SLC22A3: variants seen among roughly 807,000 people sequenced by gnomAD.
SLC22A3 encodes the protein EMT organic cation transporter 3.
A neutral mutation model predicts 59.1 loss-of-function variants in SLC22A3; 51 were observed. The ratio of observed to expected loss-of-function variants is 0.86; its 90% confidence interval spans 0.69 to 1.09. The LOEUF is 1.09. Ranked by LOEUF, SLC22A3 falls within the 50% of genes least tolerant of loss-of-function variation. The pLI, the probability that SLC22A3 is intolerant of heterozygous loss-of-function variation, is 0.00. For synonymous variants in SLC22A3, 325 were observed against 292.0 expected (o/e 1.11, Z -1.15); for missense variants, 711 against 726.3 (o/e 0.98, Z 0.24).
At chr6:160,427,584 T>C (rs1788009974) in intron 5 of SLC22A3, among the ~76,000 whole-genome samples, 1 of 152,208 alleles carries the variant, frequency 6.6e-6, no homozygotes, top group Non-Finnish European at 1.5e-5. Context: ...CATATGTTAT[T>C]GATGATGATG....
chr6:160,353,682 G>T (rs1400063084), intron 1 of SLC22A3, among the ~76,000 whole-genome samples: 2 of 152,150 alleles, frequency 1.3e-5, no homozygotes, highest in African/African-American at 2.4e-5. Flanking sequence ...AGTGGTTGGT[G>T]TGCATTCTCG....
intron 1 of SLC22A3, among the ~76,000 whole-genome samples, chr6:160,384,232 T>C (rs1445814733): frequency 6.6e-6 from 1 of 152,190 alleles, no homozygotes; most frequent in Non-Finnish European, 1.5e-5. Context: ...TATCATTTTA[T>C]ATCAGGGACT....
At chr6:160,396,557 C>T (rs1456473598) in intron 1 of SLC22A3, among the ~76,000 whole-genome samples, 2 of 151,948 alleles carry the variant, frequency 1.3e-5, no homozygotes, top group Non-Finnish European at 2.9e-5. Flanking sequence ...CTTCTTGGCC[C>T]ATAAATTTAT....
intron 5 of SLC22A3, among the ~76,000 whole-genome samples, chr6:160,414,961 G>T (rs1336856846): frequency 3.3e-5 from 5 of 152,090 alleles, no homozygotes; most frequent in African/African-American, 1.2e-4. Context: ...CCCTCTAGTA[G>T]CTTCTGAATA....
In SLC22A3 at chr6:160,437,085, G is replaced by A. The variant is rs189883656; in HGVS notation, c.1162G>A (p.Val388Met). ...NLYIDFFISGVVELPGALLIL... is the reference protein window; with the variant it reads ...NLYIDFFISGMVELPGALLIL... ...CTATATAGACTTTTTCATCTCGGGCGTGGTGGAACTGCCAGGAGCTCTCTT... is the reference window on the plus strand; with the variant it reads ...CTATATAGACTTTTTCATCTCGGGCATGGTGGAACTGCCAGGAGCTCTCTT... The change falls in exon 7 of 11, where the codon GTG becomes ATG. Residue 388 changes from valine to methionine, a missense_variant. Physicochemically the swap from Val to Met is conservative, Grantham distance 21. Transcript: ENST00000275300. 82 of 1,614,158 alleles carry A rather than the reference G, an allele frequency of 5.1e-5. No homozygotes were observed. Among genetic ancestry groups the A allele is most frequent in the South Asian group, 8.8e-5 (8 of 91,088 alleles).
intron 1 of SLC22A3, among the ~76,000 whole-genome samples, chr6:160,371,600 G>A (rs1785401366): frequency 1.3e-5 from 2 of 152,180 alleles, no homozygotes; most frequent in Non-Finnish European, 2.9e-5. Context: ...CATTTGGGTT[G>A]GTTCCCAAGT....
intron 1 of SLC22A3, among the ~76,000 whole-genome samples, chr6:160,391,736 A>G (rs1180184960): frequency 6.6e-6 from 1 of 152,264 alleles, no homozygotes; most frequent in African/African-American, 2.4e-5. Flanking sequence ...CTACAAAGAA[A>G]TAAAACAGCC....
At chr6:160,363,208 G>T (rs991730745) in intron 1 of SLC22A3, among the ~76,000 whole-genome samples, 4 of 152,378 alleles carry the variant, frequency 2.6e-5, no homozygotes, top group African/African-American at 9.6e-5. Flanking sequence ...AGGGCTGGAA[G>T]AGCAGGTGGG....
chr6:160,441,066 C>G (rs538532890), intron 7 of SLC22A3, among the ~76,000 whole-genome samples: 1 of 152,180 alleles, frequency 6.6e-6, no homozygotes, highest in South Asian at 2.1e-4. Context: ...CGGTGGGACT[C>G]AATTTTAGAG....
At position 160,383,513 on chromosome 6, in the gene SLC22A3, G is replaced by A. The variant is rs148482771; in HGVS notation, c.430-14466G>A. Among the ~76,000 whole-genome samples the A allele has an allele frequency of 6.9e-3, 1,043 of 152,046 alleles. 11 individuals are homozygous for A. Among genetic ancestry groups the A allele is most frequent in the African/African-American group, 0.024 (1,004 of 41,462 alleles). On this transcript the variant is annotated intron_variant, in intron 1 of 10. Transcript: ENST00000275300. Reference sequence around the variant, plus strand: ...AAAACTCCTTCCCCACCCTCCTAATGTGTGACTTCACATTCTATACATAGA... The same window carrying A: ...AAAACTCCTTCCCCACCCTCCTAATATGTGACTTCACATTCTATACATAGA...
In SLC22A3 at chr6:160,352,160, T is replaced by C. The variant is rs140381359; in HGVS notation, c.429+3312T>C. On this transcript the variant is annotated intron_variant, in intron 1 of 10. Coordinates refer to ENST00000275300, the MANE Select transcript of SLC22A3 (RefSeq NM_021977.4). ...GCCTCCTGATGTGAAAGTTGCAAAA[T>C]GGTCATTTAAATCTCATACACCACC... is the stretch of plus-strand genomic sequence containing the variant. Among the ~76,000 whole-genome samples, 690 of 152,328 alleles carry C rather than the reference T, an allele frequency of 4.5e-3. 6 individuals are homozygous for C. The highest frequency in any genetic ancestry group is 0.031 in the Middle Eastern group (9 of 294).
intron 1 of SLC22A3, among the ~76,000 whole-genome samples, chr6:160,394,160 C>T (rs1329630306): frequency 6.6e-6 from 1 of 152,038 alleles, no homozygotes; most frequent in Admixed American, 6.6e-5. Flanking sequence ...TAGGAGATGC[C>T]CCAGTTGTTC....
In SLC22A3 at chr6:160,415,637, A is replaced by G. The variant is rs1271613909; in HGVS notation, c.975+4791A>G. ...TTTAGAAGACGTTATCACTGTGTAAATGACCTCATCCTTCACGACCTCTCT... is the reference window on the plus strand; with the variant it reads ...TTTAGAAGACGTTATCACTGTGTAAGTGACCTCATCCTTCACGACCTCTCT... On this transcript the variant is annotated intron_variant, in intron 5 of 10. Transcript: ENST00000275300. This position sits in a 1 kb window ranked among gnomAD's most constrained non-coding sequence, Gnocchi z 4.1. Among the ~76,000 whole-genome samples the G allele has an allele frequency of 6.6e-6, 1 of 152,180 alleles. No homozygotes were observed. The highest frequency in any genetic ancestry group is 2.4e-5 in the African/African-American group (1 of 41,448).
chr6:160,383,803 A>AT (rs572389740), intron 1 of SLC22A3, among the ~76,000 whole-genome samples: 283 of 152,200 alleles, frequency 1.9e-3, no homozygotes, highest in Non-Finnish European at 2.5e-3. Flanking sequence ...AGCAAAAAAA[A>AT]ATATATAAAT....
intron 5 of SLC22A3, among the ~76,000 whole-genome samples, chr6:160,433,789 T>A (rs1219492499): frequency 6.6e-6 from 1 of 152,210 alleles, no homozygotes; most frequent in East Asian, 1.9e-4. Flanking sequence ...TGATGTAGGA[T>A]TTCCCTTCAA....
chr6:160,432,407 T>C (rs1310078044), intron 5 of SLC22A3, among the ~76,000 whole-genome samples: 1 of 151,958 alleles, frequency 6.6e-6, no homozygotes, highest in Non-Finnish European at 1.5e-5. Flanking sequence ...GCTTTTTTTT[T>C]TGTTACAAAA....
At chr6:160,391,766 G>A (rs141479852) in intron 1 of SLC22A3, among the ~76,000 whole-genome samples, 146 of 152,322 alleles carry the variant, frequency 9.6e-4, no homozygotes, top group African/African-American at 3.2e-3. Flanking sequence ...AGGGGCTGAC[G>A]TATCATATGT....
intron 1 of SLC22A3, among the ~76,000 whole-genome samples, chr6:160,355,037 TGCGAGGCA>T (rs1446609410): frequency 1.3e-5 from 2 of 152,204 alleles, no homozygotes; most frequent in African/African-American, 4.8e-5. Flanking sequence ...CCTGGAGGCA[TGCGAGGCA>T]GGCAGGAGCC....
At chr6:160,447,895 T>C (rs541916318) in intron 10 of SLC22A3, 77 bp downstream of exon 10, 64 of 1,099,266 alleles carry the variant, frequency 5.8e-5, no homozygotes, top group South Asian at 3.3e-4. Flanking sequence ...ATTGAGAAAA[T>C]TGAATATCCA....
Sources: allele counts gnomAD v4.1 joint callset (sites outside exome capture counted in the v4.1 genomes callset), GRCh38; gene constraint gnomAD v4.1.1; non-coding constraint Gnocchi (gnomAD v3.1); transcripts MANE v1.5; gene names NCBI Gene and HGNC (gene_info 2026-07-23, HGNC 2026-07-21).